Variants in DOP1B observed in about 807,000 individuals in gnomAD.
DOP1B encodes protein DOP1B.
In DOP1B, 174 loss-of-function variants were observed where a neutral mutation model predicts 233.5. The ratio of observed to expected loss-of-function variants is 0.75; its 90% CI spans 0.66 to 0.85. DOP1B has a LOEUF of 0.85. DOP1B is among the 40% of genes least tolerant of loss of function. DOP1B has a pLI of 0.00. For synonymous variants in DOP1B, 1,190 were observed against 1,185.6 expected (o/e 1.00, Z -0.08); for missense variants, 2,652 against 2,846.6 (o/e 0.93, Z 1.56).
chr21:36,200,564 C>T, intron 4 of DOP1B, 63 bp downstream of exon 4: 4 of 1,515,592 alleles, frequency 2.6e-6, no homozygotes, highest in Non-Finnish European at 2.6e-6. Flanking sequence ...GGGGAGGGGG[C>T]CGGGCGCAGT....
chr21:36,219,241 A>G lies in DOP1B; in HGVS notation c.1130-131A>G, dbSNP rs140063572. ...GTCACCAGTAAAGTTAAGTTTCTGT[A>G]TATTTTAGACTATATAAAATGTCTG... On this transcript the variant is annotated intron_variant, in intron 9 of 36. Coordinates refer to ENST00000691173, the MANE Select transcript of DOP1B (RefSeq NM_001320714.2). 1,309 of 1,202,280 alleles carry G rather than the reference A, an allele frequency of 1.1e-3. 11 individuals carry two copies. In the African/African-American group the frequency reaches 0.016, roughly 15 times the overall value. The allele number at this position is 1,202,280 out of a possible 1,614,324, so 74.5% of individuals were successfully genotyped here. A position where few individuals can be genotyped will look rare whatever the true frequency, so the allele number is the denominator to read the frequency against.
chr21:36,240,548 T>G (rs1030542645), intron 18 of DOP1B, among the ~76,000 whole-genome samples: 1 of 152,216 alleles, frequency 6.6e-6, no homozygotes, highest in African/African-American at 2.4e-5. Context: ...AGTGGTTTAT[T>G]TTCTATCTGT....
At chr21:36,229,433 TG>T (rs2066732788) in intron 13 of DOP1B, among the ~76,000 whole-genome samples, 1 of 151,990 alleles carries the variant, frequency 6.6e-6, no homozygotes, top group Non-Finnish European at 1.5e-5. Context: ...TTCACTTGGC[TG>T]TCAACCTGTG....
intron 2 of DOP1B, among the ~76,000 whole-genome samples, chr21:36,196,521 C>CTTT (rs56758201): frequency 1.4e-5 from 2 of 145,276 alleles, no homozygotes. Flanking sequence ...CTCCTCTGTT[C>CTTT]TTTTTTTTTT....
chr21:36,288,879 T>C (rs533296373), intron 34 of DOP1B, 68 bp downstream of exon 34: 36 of 1,470,502 alleles, frequency 2.4e-5, no homozygotes, highest in Admixed American at 5.6e-5. Context: ...ACTTTAGATA[T>C]AGAGTTGTCT....
In DOP1B at chr21:36,247,379, G is replaced by C. The variant is rs554216378; in HGVS notation, c.4698-138G>C. 2.8e-5 allele frequency: 13 copies of C among 466,050 alleles called. No homozygotes were observed. In the South Asian group the frequency reaches 8.1e-4, roughly 29 times the overall value. The allele number at this position is 466,050 out of a possible 1,614,324, so 28.9% of individuals were successfully genotyped here. ...AAAGGATGGTTAACATTATTATAAT[G>C]ATATTCTATGACGAGAGCTCCAGTT... is the stretch of plus-strand genomic sequence containing the variant. On this transcript the variant is annotated intron_variant, in intron 19 of 36. Transcript: ENST00000691173.
intron 4 of DOP1B, among the ~76,000 whole-genome samples, chr21:36,203,209 A>G (rs755487876): frequency 6.6e-6 from 1 of 152,220 alleles, no homozygotes; most frequent in African/African-American, 2.4e-5. Context: ...CACCGAATCT[A>G]TTTAGCTGTG....
In DOP1B at chr21:36,231,123, T is replaced by C; in HGVS notation, c.2339T>C (p.Phe780Ser). 2 of 1,581,488 alleles carry C rather than the reference T, an allele frequency of 1.3e-6. No homozygotes were observed. The highest frequency in any genetic ancestry group is 1.7e-4 in the Middle Eastern group (1 of 5,900). The change falls in exon 14 of 37, where the codon TTC becomes TCC. Residue 780 changes from phenylalanine to serine, a missense_variant. Physicochemically the swap from Phe to Ser is radical, Grantham distance 155. This residue lies in a region of DOP1B where 2,617 missense variants were observed against 2,794.3 expected (regional missense o/e 0.94). Transcript: ENST00000691173. ...ACCGAGCAGCTCTGTGCAACGCTCT[T>C]CCAGCTGCCAGGTGAGAGGCAGCCC... ...EETEQLCATL[F>S]QLPGAGDSSF... is the part of the protein sequence containing the mutation.
At chr21:36,261,976 A>T (rs1454544318) in intron 24 of DOP1B, 27 of 984,578 alleles carry the variant, frequency 2.7e-5, no homozygotes, top group Non-Finnish European at 3.3e-5. Flanking sequence ...CACTATGCCT[A>T]CATAGCCATC....
At position 36,219,479 on chromosome 21, in the gene DOP1B, A is replaced by C; in HGVS notation, c.1237A>C (p.Asn413His). Reference sequence around the variant, plus strand: ...TAAACTTAGCTACACCCAGAGTGGAAATTCGCTGATAAGGTATGGGTTTGG... The same window carrying C: ...TAAACTTAGCTACACCCAGAGTGGACATTCGCTGATAAGGTATGGGTTTGG... ...DLKLSYTQSG[N>H]SLISAIKENR... is the part of the protein sequence containing the mutation. Residue 413 changes from asparagine (N) to histidine (H), a missense_variant, in exon 10 of 37, where the codon AAT becomes CAT. Asn to His is a moderately conservative substitution (Grantham distance 68). Transcript: ENST00000691173. 1.2e-6 allele frequency: 2 copies of C among 1,614,102 alleles called. No homozygotes were observed. The highest frequency in any genetic ancestry group is 2.2e-5 in the East Asian group (1 of 44,870).
intron 27 of DOP1B, among the ~76,000 whole-genome samples, chr21:36,271,641 T>C (rs531435687): frequency 6.6e-6 from 1 of 152,116 alleles, no homozygotes; most frequent in African/African-American, 2.4e-5. Context: ...ACATACTATG[T>C]GTGTGTGCTA....
intron 23 of DOP1B, 107 bp downstream of exon 23, chr21:36,254,016 G>A (rs2067063954): frequency 2.9e-6 from 4 of 1,396,522 alleles, no homozygotes; most frequent in Non-Finnish European, 3.9e-6. Context: ...TAGGTAACAA[G>A]AGCTAGTGGG....
intron 23 of DOP1B, among the ~76,000 whole-genome samples, chr21:36,257,567 G>A (rs1035775246): frequency 3.9e-5 from 6 of 151,916 alleles, no homozygotes; most frequent in African/African-American, 1.2e-4. Context: ...AGACAAACAC[G>A]TAAAAACATA....
Position 36,278,094 on chromosome 21 carries a change from T to C in DOP1B, c.5822+10T>C, listed in dbSNP as rs2067373722. 6 of 1,613,686 alleles carry C rather than the reference T, an allele frequency of 3.7e-6. No homozygotes were observed. Among genetic ancestry groups the C allele is most frequent in the Non-Finnish European group, 4.2e-6 (5 of 1,179,558 alleles). The stretch of plus-strand genomic sequence containing the variant: ...ACTTACGCAACCACAGGTAACGTCA[T>C]CTTCGCCATTTCTTCCCACCCATAT... On this transcript the variant is annotated intron_variant, in intron 29 of 36. Coordinates refer to ENST00000691173, the MANE Select transcript of DOP1B (RefSeq NM_001320714.2).
chr21:36,289,427 GTGTGTGTGTGTGTGT>G (rs2067531111), intron 35 of DOP1B, among the ~76,000 whole-genome samples: 2 of 10,206 alleles, frequency 2.0e-4, no homozygotes, highest in African/African-American at 3.8e-3. Context: ...TTTCTATGGT[GTGTGTGTGTGTGTGT>G]GTGTGTGTGT....
chr21:36,164,880 G>T lies in DOP1B; in HGVS notation c.138+9G>T. ...TTGGCAAACTCAACAAGGTATGTAGGGTGTATCCTATTTGGATTGCATGGA... is the reference window on the plus strand; with the variant it reads ...TTGGCAAACTCAACAAGGTATGTAGTGTGTATCCTATTTGGATTGCATGGA... On this transcript the variant is annotated intron_variant, in intron 2 of 36. Coordinates refer to ENST00000691173, the MANE Select transcript of DOP1B (RefSeq NM_001320714.2). The T allele has an allele frequency of 6.4e-7, 1 of 1,565,202 alleles. No individual in the cohort carries two copies. The highest frequency in any genetic ancestry group is 8.6e-7 in the Non-Finnish European group (1 of 1,157,758).
intron 18 of DOP1B, 66 bp downstream of exon 18, chr21:36,240,021 G>A: frequency 6.7e-7 from 1 of 1,487,180 alleles, no homozygotes; most frequent in Admixed American, 2.2e-5. Context: ...CCTCAGCAGT[G>A]ATAGCTGAGA....
In DOP1B at chr21:36,228,053, G is replaced by A. The variant is rs116591947; in HGVS notation, c.1665+176G>A. Among the ~76,000 whole-genome samples, 355 of 152,240 alleles carry A rather than the reference G, an allele frequency of 2.3e-3. 1 individual carries two copies. The highest frequency in any genetic ancestry group is 8.0e-3 in the African/African-American group (332 of 41,542). On this transcript the variant is annotated intron_variant, in intron 13 of 36. Coordinates refer to ENST00000691173, the MANE Select transcript of DOP1B (RefSeq NM_001320714.2). ...TTAAAAGGTTTTAGCACCTGGCATGGTACAATGGCTCACACCTGTAATACC... is the reference window on the plus strand; with the variant it reads ...TTAAAAGGTTTTAGCACCTGGCATGATACAATGGCTCACACCTGTAATACC...
At chr21:36,217,453 T>C (rs915967100) in intron 9 of DOP1B, among the ~76,000 whole-genome samples, 1 of 152,084 alleles carries the variant, frequency 6.6e-6, no homozygotes, top group East Asian at 1.9e-4. Context: ...TAAGGTTGGG[T>C]GGGAGTAGGT....
Sources: gnomAD v4.1 joint callset for allele counts (sites outside exome capture counted in the v4.1 genomes callset) on GRCh38, gnomAD v4.1.1 for gene constraint, gnomAD v4.1.1 regional missense constraint, MANE v1.5 for transcripts, NCBI Gene and HGNC (gene_info 2026-07-23, HGNC 2026-07-21) for gene names.